Variants in NSUN3 observed in about 807,000 individuals in gnomAD.
The protein encoded by NSUN3 is NOP2/Sun RNA methyltransferase 3.
A neutral mutation model predicts 36.8 loss-of-function variants in NSUN3; 24 were observed. The ratio of observed to expected loss-of-function variants is 0.65; its 90% CI spans 0.47 to 0.92. The LOEUF is 0.92. Among genes scored for constraint, NSUN3 ranks in the 40% least tolerant of loss-of-function variants. NSUN3 has a pLI of 0.00. For synonymous variants in NSUN3, 146 were observed against 145.2 expected, an observed-to-expected ratio of 1.01 and a Z score of -0.04; for missense variants, 381 against 392.8, an observed-to-expected ratio of 0.97 and a Z score of 0.25.
At chr3:94,092,413 C>CACCAAAACA (rs1454217300) in intron 3 of NSUN3, among the ~76,000 whole-genome samples, 1 of 152,188 alleles carries the variant, frequency 6.6e-6, no homozygotes, top group East Asian at 1.9e-4. Context: ...CCATGAACTT[C>CACCAAAACA]TGTCTTACAT....
intron 3 of NSUN3, among the ~76,000 whole-genome samples, chr3:94,086,272 C>G (rs548363108): frequency 1.3e-5 from 2 of 152,274 alleles, no homozygotes; most frequent in Admixed American, 1.3e-4. Context: ...ATGTGTTGAA[C>G]TGCCCTTGTT....
chr3:94,064,412 C>T (rs750801206), intron 1 of NSUN3, 25 bp from the exon 2 acceptor site: 2 of 1,427,406 alleles, frequency 1.4e-6, no homozygotes, highest in Non-Finnish European at 2.0e-6. Context: ...CACTGTGTGT[C>T]AGCAACTTTT....
chr3:94,109,979 A>G (rs1382529659), intron 5 of NSUN3, among the ~76,000 whole-genome samples: 1 of 152,312 alleles, frequency 6.6e-6, no homozygotes, highest in Non-Finnish European at 1.5e-5. Context: ...TTAAAAAGGT[A>G]ATGAAATAGC....
At chr3:94,082,651 A>G (rs545085209) in intron 2 of NSUN3, among the ~76,000 whole-genome samples, 7 of 152,340 alleles carry the variant, frequency 4.6e-5, no homozygotes, top group Admixed American at 1.3e-4. Flanking sequence ...ACCATAGTTA[A>G]TGAGGCTCCC....
chr3:94,126,152 C>A, intron 5 of NSUN3, 59 bp from the exon 6 acceptor site: 1 of 1,427,890 alleles, frequency 7.0e-7, no homozygotes, highest in Non-Finnish European at 9.5e-7. Context: ...GCTGTCAGAC[C>A]CCCTGGTTTC....
intron 3 of NSUN3, among the ~76,000 whole-genome samples, chr3:94,088,372 A>G (rs1423415301): frequency 6.6e-6 from 1 of 151,978 alleles, no homozygotes; most frequent in African/African-American, 2.4e-5. Context: ...AACTTTTGTT[A>G]TATCCTCATA....
At chr3:94,115,508 T>C (rs912045367) in intron 5 of NSUN3, among the ~76,000 whole-genome samples, 2 of 152,216 alleles carry the variant, frequency 1.3e-5, no homozygotes, top group African/African-American at 4.8e-5. Flanking sequence ...AGCACAGACA[T>C]GTATGATTCT....
rs150675344 is a variant in NSUN3, at chr3:94,091,469, T to C, written c.467-2671T>C. 1.9e-3 allele frequency among the ~76,000 whole-genome samples: 288 copies of C among 152,258 alleles called. 1 individual carries two copies. The East Asian group carries it at 0.027, about 14-fold the overall frequency. ...AATGAATAGCAAAGGTGGGATATTA[T>C]GTGGGGAGTGCCTAACCATCATTGG... is the stretch of plus-strand genomic sequence containing the variant. On this transcript the variant is annotated intron_variant, in intron 3 of 5. Transcript: ENST00000314622.
At chr3:94,072,075 T>A (rs576079245) in intron 2 of NSUN3, among the ~76,000 whole-genome samples, 3 of 152,260 alleles carry the variant, frequency 2.0e-5, no homozygotes, top group African/African-American at 7.2e-5. Flanking sequence ...GCCTTAGCAG[T>A]CCCTTCAAGA....
Position 94,084,186 on chromosome 3 carries a change from G to A in NSUN3, c.202G>A (p.Asp68Asn). The change falls in exon 3 of 6, where the codon GAT (aspartate) becomes AAT (asparagine). Residue 68 changes from aspartate to asparagine, a missense_variant. Transcript: ENST00000314622. The stretch of plus-strand genomic sequence containing the variant: ...CAATTATCCTTTTGAACTGGAAAAG[G>A]ATTTACATTTGAAGGGCTATCACAC... ...RFNYPFELEK[D>N]LHLKGYHTLS... 1.9e-6 allele frequency: 3 copies of A among 1,614,136 alleles called. No homozygotes were observed. Among genetic ancestry groups the A allele is most frequent in the Non-Finnish European group, 2.5e-6 (3 of 1,180,014 alleles).
At chr3:94,067,444 C>G (rs2077209408) in intron 2 of NSUN3, among the ~76,000 whole-genome samples, 1 of 152,140 alleles carries the variant, frequency 6.6e-6, no homozygotes, top group South Asian at 2.1e-4. Flanking sequence ...TGAGAGTCAT[C>G]CTTGGAATCC....
intron 2 of NSUN3, among the ~76,000 whole-genome samples, chr3:94,081,352 TG>T (rs566532842): frequency 3.5e-4 from 53 of 152,220 alleles, no homozygotes; most frequent in Non-Finnish European, 3.2e-4. Flanking sequence ...CTGTTCCTAT[TG>T]GGCCATCTTG....
chr3:94,076,497 C>T (rs1163044693), intron 2 of NSUN3: 6 of 786,180 alleles, frequency 7.6e-6, no homozygotes, highest in South Asian at 4.0e-5. Flanking sequence ...TCTACTACTA[C>T]TGTATGCCCT....
At chr3:94,122,617 G>A (rs924044035) in intron 5 of NSUN3, among the ~76,000 whole-genome samples, 1 of 151,894 alleles carries the variant, frequency 6.6e-6, no homozygotes, top group African/African-American at 2.4e-5. Flanking sequence ...CTATTAGTGG[G>A]GGAAAGTTCT....
chr3:94,106,362 G>A (rs772739387), intron 5 of NSUN3, among the ~76,000 whole-genome samples: 2 of 152,060 alleles, frequency 1.3e-5, no homozygotes, highest in Admixed American at 6.6e-5. Context: ...CTCTGAAAAC[G>A]GCAAGCTTGG....
intron 3 of NSUN3, chr3:94,085,321 C>T (rs1375632111): frequency 6.6e-6 from 1 of 152,032 alleles, no homozygotes; most frequent in Non-Finnish European, 1.5e-5. Flanking sequence ...AAAGCTAATT[C>T]TTTTTTTAAA....
intron 5 of NSUN3, among the ~76,000 whole-genome samples, chr3:94,099,742 A>G (rs897278635): frequency 1.3e-5 from 2 of 151,664 alleles, no homozygotes; most frequent in South Asian, 2.1e-4. Context: ...AGATAAGGGG[A>G]AAAAAAATGA....
rs535839828 is a variant in NSUN3 at position 94,118,454 on chromosome 3, A to T, written c.744-7757A>T. Among the ~76,000 whole-genome samples the T allele has an allele frequency of 2.6e-5, 4 of 152,264 alleles. No homozygotes were observed. In the East Asian group the frequency reaches 7.7e-4, roughly 29 times the overall value. On this transcript the variant is annotated intron_variant, in intron 5 of 5. Coordinates refer to ENST00000314622, the MANE Select transcript of NSUN3 (RefSeq NM_022072.5). ...TATGATTAGAAAGTTTACTGTTATC[A>T]TTAGAATTCAATGATGAATAATACC...
At chr3:94,126,074 G>T in intron 5 of NSUN3, 137 bp from the exon 6 acceptor site, 8 of 622,066 alleles carry the variant, frequency 1.3e-5, no homozygotes, top group Non-Finnish European at 2.1e-5. Flanking sequence ...AAAAAAAAAA[G>T]ACTAGAAAAC....
Sources: allele counts gnomAD v4.1 joint callset (sites outside exome capture counted in the v4.1 genomes callset), GRCh38; gene constraint gnomAD v4.1.1; transcripts MANE v1.5; gene names NCBI Gene and HGNC (gene_info 2026-07-23, HGNC 2026-07-21).